IKZF3: variants seen among roughly 807,000 people sequenced by gnomAD.
IKZF3 encodes IKAROS family zinc finger 3.
IKZF3 carries 10 observed loss-of-function variants against 49.0 expected under a neutral mutation model. The observed-to-expected ratio is 0.20, with a 90% CI of 0.13 to 0.35. The LOEUF (loss-of-function observed/expected upper bound fraction) is 0.35. Among genes scored for constraint, IKZF3 ranks in the 10% least tolerant of loss-of-function variants. The pLI is 1.00. For synonymous variants in IKZF3, 209 were observed against 228.2 expected, an observed-to-expected ratio of 0.92 and a Z score of 0.76; for missense variants, 498 against 664.8, an observed-to-expected ratio of 0.75 and a Z score of 2.76.
Position 39,761,581 on chromosome 17 carries a change from A to ATATATATATATATATAC in IKZF3, c.*4208_*4209insGTATATATATATATATA, listed in dbSNP as rs1567944278. The ATATATATATATATATAC allele has an allele frequency of 2.1e-3, 304 of 146,910 alleles. 4 individuals are homozygous for ATATATATATATATATAC. Among genetic ancestry groups the ATATATATATATATATAC allele is most frequent in the African/African-American group, 7.9e-3 (298 of 37,688 alleles). The allele number at this position is 146,910 out of a possible 1,614,324, so 9.1% of individuals were successfully genotyped here. A position where few individuals can be genotyped will look rare whatever the true frequency, so the allele number is the denominator to read the frequency against. On this transcript the variant is annotated 3_prime_UTR_variant, in exon 8 of 8. Coordinates refer to ENST00000346872, the MANE Select transcript of IKZF3 (RefSeq NM_012481.5). The stretch of plus-strand genomic sequence containing the variant: ...ATACATACATATATATACATATACA[A>ATATATATATATATATAC]AAAAAATAAAAATAAATTAAAAAAT...
intron 6 of IKZF3, among the ~76,000 whole-genome samples, chr17:39,778,960 C>G (rs892554976): frequency 6.6e-6 from 1 of 152,196 alleles, no homozygotes. Context: ...CCCAGGCCCC[C>G]CTTCAGATCA....
intron 3 of IKZF3, among the ~76,000 whole-genome samples, chr17:39,802,198 G>A (rs1390754338): frequency 1.4e-5 from 2 of 144,108 alleles, no homozygotes; most frequent in African/African-American, 2.6e-5. Flanking sequence ...CTCCAGCCTG[G>A]GTGACAGAGT....
At chr17:39,822,127 C>T (rs1288122445) in intron 3 of IKZF3, among the ~76,000 whole-genome samples, 1 of 152,170 alleles carries the variant, frequency 6.6e-6, no homozygotes, top group African/African-American at 2.4e-5. Context: ...TCTGACTTCC[C>T]CTTTCAATGC....
intron 3 of IKZF3, among the ~76,000 whole-genome samples, chr17:39,824,315 C>T (rs1230402705): frequency 2.6e-5 from 4 of 152,140 alleles, no homozygotes; most frequent in Admixed American, 2.6e-4. Context: ...GCCTGTACCT[C>T]CATTGTATCT....
chr17:39,841,441 T>G (rs574708288), intron 1 of IKZF3, among the ~76,000 whole-genome samples: 2 of 151,904 alleles, frequency 1.3e-5, no homozygotes, highest in South Asian at 4.2e-4. Flanking sequence ...GCATCTACAT[T>G]TTAGGGGCAG....
chr17:39,788,314 TCAA>T lies in IKZF3; in HGVS notation c.650_652del (p.Leu217_Glu218delinsGln). On this transcript the variant is annotated inframe_deletion, in exon 6 of 8. Transcript: ENST00000346872. ...TGTACGGCAGCGCTCCTTGTGCTCC[TCAA>T]GGGAACTTCTCTGCTTGTAACTCCT... 1 of 1,613,934 alleles carries T rather than the reference TCAA, an allele frequency of 6.2e-7. No individual in the cohort carries two copies. Among genetic ancestry groups the T allele is most frequent in the Non-Finnish European group, 8.5e-7 (1 of 1,179,892 alleles).
At chr17:39,768,720 T>C (rs992701253) in intron 7 of IKZF3, among the ~76,000 whole-genome samples, 1 of 152,234 alleles carries the variant, frequency 6.6e-6, no homozygotes, top group African/African-American at 2.4e-5. Context: ...TGCTTGGGTT[T>C]TTTTCCTCTG....
chr17:39,788,622 T>C (rs754393558), intron 5 of IKZF3, among the ~76,000 whole-genome samples: 5 of 152,230 alleles, frequency 3.3e-5, no homozygotes, highest in African/African-American at 9.7e-5. Context: ...TTGGATTTAG[T>C]GATTACCATT....
intron 1 of IKZF3, among the ~76,000 whole-genome samples, chr17:39,853,537 A>G (rs914563494): frequency 6.6e-6 from 1 of 152,144 alleles, no homozygotes; most frequent in African/African-American, 2.4e-5. Flanking sequence ...AATTTTTTTT[A>G]TTTTAAAAAA....
intron 1 of IKZF3, among the ~76,000 whole-genome samples, chr17:39,833,061 C>A (rs1185493615): frequency 6.6e-6 from 1 of 152,098 alleles, no homozygotes; most frequent in African/African-American, 2.4e-5. Context: ...CCATTACTCA[C>A]CCTCTGGATT....
intron 1 of IKZF3, among the ~76,000 whole-genome samples, chr17:39,858,572 G>A (rs1192622923): frequency 3.3e-5 from 5 of 151,892 alleles, no homozygotes; most frequent in South Asian, 2.1e-4. Flanking sequence ...GTGCAGTGGC[G>A]CGATCTTGGC....
chr17:39,783,780 T>C (rs2060803574), intron 6 of IKZF3, among the ~76,000 whole-genome samples: 1 of 152,012 alleles, frequency 6.6e-6, no homozygotes, highest in South Asian at 2.1e-4. Context: ...AACACAAAAA[T>C]TAGCTGGGCA....
chr17:39,794,024 T>C (rs1237673162), intron 3 of IKZF3, among the ~76,000 whole-genome samples: 1 of 152,216 alleles, frequency 6.6e-6, no homozygotes, highest in East Asian at 1.9e-4. Context: ...CATTGGTCCT[T>C]AGAAATCAAA....
chr17:39,766,441 C>G lies in IKZF3; in HGVS notation c.879G>C (p.Glu293Asp). The change falls in exon 8 of 8, where the codon GAG (glutamate) becomes GAC (aspartate). Residue 293 changes from glutamate (E) to aspartate (D), a missense_variant. Coordinates refer to ENST00000346872, the MANE Select transcript of IKZF3 (RefSeq NM_012481.5). ...GGGTCTGTATGAGCTCACTCTCTTT[C>G]TCATACATGTAACTTGAATTATAGT... is the stretch of plus-strand genomic sequence containing the variant. ...DVNYNSSYMY[E>D]KESELIQTRM... is the part of the protein sequence containing the mutation. The G allele has an allele frequency of 6.2e-7, 1 of 1,613,990 alleles. No homozygotes were observed. Among genetic ancestry groups the G allele is most frequent in the Non-Finnish European group, 8.5e-7 (1 of 1,180,024 alleles).
intron 7 of IKZF3, among the ~76,000 whole-genome samples, 176 bp downstream of exon 7, chr17:39,777,475 C>A: frequency 6.6e-6 from 1 of 152,200 alleles, no homozygotes; most frequent in East Asian, 1.9e-4. Flanking sequence ...TAGTTAATAT[C>A]TTTTATTCTA....
intron 6 of IKZF3, among the ~76,000 whole-genome samples, chr17:39,780,221 C>T (rs911126136): frequency 2.1e-5 from 3 of 141,128 alleles, no homozygotes; most frequent in African/African-American, 8.3e-5. Flanking sequence ...CTCCAGCCTG[C>T]GTGACAGAGT....
chr17:39,765,838 C>T lies in IKZF3; in HGVS notation c.1482G>A (p.Glu494=). ...CTCCTCTGGCTATGTGAGACGAGAA[C>T]TCATACCGATCATGGCTTCGATATC... ...MCGYRSHDRY[E]FSSHIARGEH... Residue 494 remains glutamate, a synonymous_variant, in exon 8 of 8, where the codon GAG becomes GAA. Transcript: ENST00000346872. 1 of 1,613,758 alleles carries T rather than the reference C, an allele frequency of 6.2e-7. No individual in the cohort carries two copies.
chr17:39,850,064 GTATATATACTA>G, intron 1 of IKZF3, among the ~76,000 whole-genome samples: 3 of 71,092 alleles, frequency 4.2e-5, no homozygotes, highest in Non-Finnish European at 1.0e-4. Context: ...TATTATATAT[GTATATATACTA>G]TATGCATATA....
At chr17:39,779,652 TG>T (rs67412560) in intron 6 of IKZF3, among the ~76,000 whole-genome samples, 9,648 of 144,660 alleles carry the variant, frequency 0.067, 940 homozygotes, top group African/African-American at 0.16. Context: ...CTTTGTTTTT[TG>T]TTTTTTTTTT....
Sources: allele counts gnomAD v4.1 joint callset (sites outside exome capture counted in the v4.1 genomes callset), GRCh38; gene constraint gnomAD v4.1.1; transcripts MANE v1.5; gene names NCBI Gene and HGNC (gene_info 2026-07-23, HGNC 2026-07-21).